SEMA4C: variants seen among roughly 807,000 people sequenced by gnomAD.
The protein encoded by SEMA4C is semaphorin-4C.
SEMA4C carries 19 observed loss-of-function variants against 89.0 expected under a neutral mutation model. The observed-to-expected ratio is 0.21, with a 90% CI of 0.15 to 0.31. The LOEUF is 0.31. SEMA4C is among the 10% of genes least tolerant of loss of function. SEMA4C has a pLI of 1.00. For missense variants in SEMA4C, 811 were observed against 1,107.0 expected, an observed-to-expected ratio of 0.73 and a Z score of 3.79; for synonymous variants, 428 against 472.7, an observed-to-expected ratio of 0.91 and a Z score of 1.23.
At chr2:96,866,631 G>A (rs780613416) in intron 2 of SEMA4C, 200 bp from the exon 3 acceptor site, 1 of 743,706 alleles carries the variant, frequency 1.3e-6, no homozygotes. Context: ...AGCCTGGGAG[G>A]AGGCAAATCC....
At position 96,861,233 on chromosome 2, in the gene SEMA4C, T is replaced by C; in HGVS notation, c.1895A>G (p.Gln632Arg). The change falls in exon 15 of 15, where the codon CAG becomes CGG. Residue 632 changes from glutamine to arginine, a missense_variant. Physicochemically the swap from Gln to Arg is conservative, Grantham distance 43. This residue lies in a region of SEMA4C where 248 missense variants were observed against 269.0 expected (regional missense o/e 0.92). Transcript: ENST00000305476. This position sits in a 1 kb window ranked among gnomAD's most constrained non-coding sequence, Gnocchi z 7.8. ...GCCTTCAGCAGCCAGCCGCGCCCCC[T>C]GCTCCTCTGAAAAGCAGTGGTAGGC... Reference protein sequence around the residue: ...AGAYHCFSEEQGARLAAEGYL... With the variant: ...AGAYHCFSEERGARLAAEGYL... 6.2e-7 allele frequency: 1 copy of C among 1,610,464 alleles called. No individual in the cohort carries two copies.
chr2:96,866,523 A>G, intron 2 of SEMA4C, 92 bp from the exon 3 acceptor site: 1 of 1,553,336 alleles, frequency 6.4e-7, no homozygotes, highest in Non-Finnish European at 8.9e-7. Context: ...CCCATGCCAC[A>G]AGCAGATGCC....
At chr2:96,869,335 C>A in intron 1 of SEMA4C, 1 of 985,346 alleles carries the variant, frequency 1.0e-6, no homozygotes, top group Non-Finnish European at 1.2e-6. Context: ...GCACCCCACA[C>A]CCTCGCCCAC....
In SEMA4C at chr2:96,865,737, G is replaced by A; in HGVS notation, c.349C>T (p.Leu117=). The change falls in exon 5 of 15, where the codon CTG becomes TTG. Residue 117 remains leucine (L), a synonymous_variant. Transcript: ENST00000305476. ...AGGTGGGAGGCATTGTAGGGCTGCA[G>A]GAAGCGGATGAAGTTGAAGCACTCG... is the stretch of plus-strand genomic sequence containing the variant. ...QTECFNFIRF[L]QPYNASHLYV... 6.2e-7 allele frequency: 1 copy of A among 1,614,178 alleles called. No homozygotes were observed. Among genetic ancestry groups the A allele is most frequent in the Non-Finnish European group, 8.5e-7 (1 of 1,180,030 alleles).
At chr2:96,862,416 C>T (rs543717994) in intron 12 of SEMA4C, 14 of 156,694 alleles carry the variant, frequency 8.9e-5, no homozygotes, top group African/African-American at 3.4e-4. Context: ...AGCAAACATG[C>T]CACAAGAGTA....
In SEMA4C at chr2:96,868,912, T is replaced by C. The variant is rs1373333317; in HGVS notation, c.-38+964A>G. ...GGCCAGCGGGATTGGCTTCCCCTGC[T>C]CCAGCCTTCCCGTGCCAGGGGCGGA... On this transcript the variant is annotated intron_variant, in intron 1 of 14. Transcript: ENST00000305476. 5.1e-6 allele frequency: 5 copies of C among 985,314 alleles called. No homozygotes were observed. The African/African-American group carries it at 8.7e-5, about 17-fold the overall frequency. 61.0% of individuals were successfully genotyped at this position (985,314 alleles called of 1,614,324 possible). A position where few individuals can be genotyped will look rare whatever the true frequency, so the allele number is the denominator to read the frequency against.
intron 12 of SEMA4C, chr2:96,863,111 G>A (rs985500945): frequency 6.3e-6 from 2 of 319,326 alleles, no homozygotes; most frequent in Non-Finnish European, 9.1e-6. Context: ...TCAGGAGGCT[G>A]AGGCATAAGA....
rs1156972255 is a variant in SEMA4C at position 96,864,328 on chromosome 2, C to G, written c.1017G>C (p.Arg339=). Residue 339 remains arginine, a synonymous_variant, in exon 10 of 15, where the codon CGG becomes CGC. Coordinates refer to ENST00000305476, the MANE Select transcript of SEMA4C (RefSeq NM_017789.5). This position sits in a 1 kb window ranked among gnomAD's most constrained non-coding sequence, Gnocchi z 6.3. ...ACTCCTTATAGGGGCCCTCAAACAC[C>G]CGCTGGATCTCTTCCAACTGGTACT... ...ICEYQLEEIQ[R]VFEGPYKEYH... 1 of 1,613,992 alleles carries G rather than the reference C, an allele frequency of 6.2e-7. No homozygotes were observed. The highest frequency in any genetic ancestry group is 2.2e-5 in the East Asian group (1 of 44,868).
At position 96,861,081 on chromosome 2, in the gene SEMA4C, C is replaced by T. The variant is rs2079931210; in HGVS notation, c.2047G>A (p.Val683Met). 1 of 1,612,678 alleles carries T rather than the reference C, an allele frequency of 6.2e-7. No individual in the cohort carries two copies. Among genetic ancestry groups the T allele is most frequent in the Non-Finnish European group, 8.5e-7 (1 of 1,179,972 alleles). The change falls in exon 15 of 15, where the codon GTG (valine) becomes ATG (methionine). Residue 683 changes from valine to methionine, a missense_variant. Around this residue, in one of 4 missense-constraint regions of SEMA4C, gnomAD observed 248 missense variants for 269.0 expected, o/e 0.92. Coordinates refer to ENST00000305476, the MANE Select transcript of SEMA4C (RefSeq NM_017789.5). This position sits in a 1 kb window ranked among gnomAD's most constrained non-coding sequence, Gnocchi z 7.8. ...GAVCLVLLLL[V>M]LSLRRRLREE... is the part of the protein sequence containing the mutation. ...CGCAGCCGCCGGCGCAATGACAGCA[C>T]CAGCAGCAGCAGCACCAGGCACACA...
intron 12 of SEMA4C, chr2:96,862,190 T>TCA: frequency 2.4e-6 from 1 of 412,706 alleles, no homozygotes; most frequent in Non-Finnish European, 4.4e-6. Context: ...TCACACACAC[T>TCA]CACACACACA....
intron 1 of SEMA4C, 199 bp downstream of exon 1, chr2:96,869,677 G>A (rs1471021329): frequency 1.0e-6 from 1 of 984,966 alleles, no homozygotes; most frequent in African/African-American, 1.7e-5. Flanking sequence ...GGTGCTGTGC[G>A]CCCCACTCCC....
Position 96,865,425 on chromosome 2 carries a change from G to A in SEMA4C, c.517+16C>T, listed in dbSNP as rs763660358. ...CCCAAGGACTCACCCAGCCTGCATGGGGGGCAGCCACTCACCCACAAGAAG... is the reference window on the plus strand; with the variant it reads ...CCCAAGGACTCACCCAGCCTGCATGAGGGGCAGCCACTCACCCACAAGAAG... On this transcript the variant is annotated intron_variant, in intron 6 of 14. Coordinates refer to ENST00000305476, the MANE Select transcript of SEMA4C (RefSeq NM_017789.5). The A allele has an allele frequency of 6.2e-7, 1 of 1,612,754 alleles. No individual in the cohort carries two copies. The highest frequency in any genetic ancestry group is 1.1e-5 in the South Asian group (1 of 91,052).
upstream of SEMA4C, chr2:96,870,191 G>A: frequency 1.0e-6 from 1 of 984,932 alleles, no homozygotes; most frequent in Non-Finnish European, 1.2e-6. Flanking sequence ...GCGACCCGCA[G>A]CGACCTGTGG....
intron 12 of SEMA4C, 82 bp downstream of exon 12, chr2:96,863,600 C>G: frequency 2.1e-6 from 3 of 1,422,038 alleles, no homozygotes; most frequent in African/African-American, 2.8e-5. Context: ...AGCACATAGG[C>G]CCAACTGGGA....
In SEMA4C at chr2:96,868,959, C is replaced by G. The variant is rs536438140; in HGVS notation, c.-38+917G>C. The stretch of plus-strand genomic sequence containing the variant: ...CGGAGACGCAGAAGCTGGGGACCTG[C>G]TCACCCCCAAACAAAGGGTCCCCGC... On this transcript the variant is annotated intron_variant, in intron 1 of 14. Transcript: ENST00000305476. 1.9e-5 allele frequency: 19 copies of G among 985,390 alleles called. No homozygotes were observed. The South Asian group carries it at 7.0e-4, about 37-fold the overall frequency. 61.0% of individuals were successfully genotyped at this position (985,390 alleles called of 1,614,324 possible). A position where few individuals can be genotyped will look rare whatever the true frequency, so the allele number is the denominator to read the frequency against.
Position 96,864,150 on chromosome 2 carries a change from T to TG in SEMA4C, c.1108-3dup. On this transcript the variant is annotated splice_region_variant and splice_polypyrimidine_tract_variant and intron_variant, in intron 10 of 14. Transcript: ENST00000305476. This position sits in a 1 kb window ranked among gnomAD's most constrained non-coding sequence, Gnocchi z 6.3. Reference sequence around the variant, plus strand: ...GCGCCGATGCCAGTTGTTAATGCACTGGGGGCAGGGTGTGGGGGGCAGGCC... The same window carrying TG: ...GCGCCGATGCCAGTTGTTAATGCACTGGGGGGCAGGGTGTGGGGGGCAGGCC... 1 of 1,568,534 alleles carries TG rather than the reference T, an allele frequency of 6.4e-7. No homozygotes were observed.
At position 96,869,373 on chromosome 2, in the gene SEMA4C, C is replaced by T. The variant is rs573930863; in HGVS notation, c.-38+503G>A. 7.8e-4 allele frequency: 767 copies of T among 985,296 alleles called. 1 individual carries two copies. The highest frequency in any genetic ancestry group is 4.6e-3 in the South Asian group (98 of 21,290). 61.0% of individuals were successfully genotyped at this position (985,296 alleles called of 1,614,324 possible). A position where few individuals can be genotyped will look rare whatever the true frequency, so the allele number is the denominator to read the frequency against. ...CGAGCGGCCAGCCGTGGACCGCGGCCCTCCCTGCAGGGCGAGCGCTCCAGC... is the reference window on the plus strand; with the variant it reads ...CGAGCGGCCAGCCGTGGACCGCGGCTCTCCCTGCAGGGCGAGCGCTCCAGC... On this transcript the variant is annotated intron_variant, in intron 1 of 14. Transcript: ENST00000305476.
At chr2:96,863,860 C>G (rs2080008384) in intron 11 of SEMA4C, 66 bp from the exon 12 acceptor site, 8 of 1,600,006 alleles carry the variant, frequency 5.0e-6, no homozygotes, top group Non-Finnish European at 6.0e-6. Flanking sequence ...TCCAAATCTC[C>G]CTGCCCTGGG....
chr2:96,868,637 T>C, intron 1 of SEMA4C: 1 of 985,450 alleles, frequency 1.0e-6, no homozygotes. Context: ...GGCCTCATCC[T>C]GTTCCTCGCA....
Sources: allele counts gnomAD v4.1 joint callset, GRCh38; gene constraint gnomAD v4.1.1; regional missense constraint gnomAD v4.1.1; non-coding constraint Gnocchi (gnomAD v3.1); transcripts MANE v1.5; gene names NCBI Gene and HGNC (gene_info 2026-07-23, HGNC 2026-07-21).